The following CCDC171 variants were observed in gnomAD, a reference collection of about 807,000 sequenced individuals.
The protein encoded by CCDC171 is coiled-coil domain containing 171.
In CCDC171, 177 loss-of-function variants were observed where a neutral mutation model predicts 168.2. The observed-to-expected ratio is 1.05, with a 90% CI of 0.93 to 1.19. CCDC171 has a LOEUF of 1.19. CCDC171 is among the 50% of genes most tolerant of loss of function. CCDC171 has a pLI of 0.00. For synonymous variants in CCDC171, 687 were observed against 540.8 expected (o/e 1.27, Z -3.75); for missense variants, 1,991 against 1,539.0 (o/e 1.29, Z -4.91).
chr9:15,906,892 C>A (rs200381786), intron 24 of CCDC171, among the ~76,000 whole-genome samples: 10 of 152,012 alleles, frequency 6.6e-5, no homozygotes, highest in Admixed American at 3.3e-4. Flanking sequence ...GACAAGCAGA[C>A]ATCCAAATCA....
chr9:15,816,642 G>T (rs1033492852), intron 21 of CCDC171, among the ~76,000 whole-genome samples: 1 of 118,038 alleles, frequency 8.5e-6, no homozygotes, highest in Non-Finnish European at 1.9e-5. Flanking sequence ...GTAAAGAGAG[G>T]TTAGATTCTG....
chr9:16,084,608 A>G, the CCDC171 span, among the ~76,000 whole-genome samples: 1 of 152,138 alleles, frequency 6.6e-6, no homozygotes, highest in African/African-American at 2.4e-5. Flanking sequence ...CCGCTTTCCA[A>G]TTTGCCATGG....
intron 25 of CCDC171, among the ~76,000 whole-genome samples, chr9:15,948,663 T>A (rs1413780811): frequency 6.6e-6 from 1 of 152,086 alleles, no homozygotes; most frequent in African/African-American, 2.4e-5. Flanking sequence ...GCCCCCTTTT[T>A]GATGGGGTTG....
chr9:15,896,444 G>A (rs1226119104), intron 24 of CCDC171, among the ~76,000 whole-genome samples: 2 of 152,054 alleles, frequency 1.3e-5, no homozygotes, highest in African/African-American at 4.8e-5. Context: ...AAAACTTTGA[G>A]TGATGGGATA....
chr9:15,940,910 A>G (rs1156552805), intron 25 of CCDC171, among the ~76,000 whole-genome samples: 1 of 151,974 alleles, frequency 6.6e-6, no homozygotes, highest in Non-Finnish European at 1.5e-5. Context: ...TGCCCTGCCA[A>G]CATTAGCTAT....
chr9:15,613,689 ATTTTTTTGTATT>A (rs1389689356), intron 6 of CCDC171, among the ~76,000 whole-genome samples: 1 of 151,606 alleles, frequency 6.6e-6, no homozygotes, highest in African/African-American at 2.4e-5. Context: ...TGCCCGGCTA[ATTTTTTTGTATT>A]TTTAGTAGAG....
intron 1 of CCDC171, among the ~76,000 whole-genome samples, chr9:16,048,015 A>G (rs1833687941): frequency 6.6e-6 from 1 of 152,208 alleles, no homozygotes; most frequent in Admixed American, 6.5e-5. Context: ...AAGGATGAAC[A>G]CATTGCCTGC....
intron 25 of CCDC171, among the ~76,000 whole-genome samples, chr9:15,945,742 G>A (rs903173374): frequency 6.6e-6 from 1 of 151,700 alleles, no homozygotes; most frequent in African/African-American, 2.4e-5. Context: ...TTTTTTTCTT[G>A]TAAATTTGTT....
chr9:16,083,436 A>G, the CCDC171 span, among the ~76,000 whole-genome samples: 1 of 152,156 alleles, frequency 6.6e-6, no homozygotes, highest in Non-Finnish European at 1.5e-5. Flanking sequence ...GTACTCTGAG[A>G]TCACATCCAG....
chr9:15,723,679 A>G lies in CCDC171; in HGVS notation c.1426-2A>G, dbSNP rs201962258. ...CAGCTAAACAGCATGAATGATGTTAAGGAAAAGGCATGTAATGAACTTGAT... is the reference window on the plus strand; with the variant it reads ...CAGCTAAACAGCATGAATGATGTTAGGGAAAAGGCATGTAATGAACTTGAT... On this transcript the variant is annotated splice_acceptor_variant, in intron 12 of 25. Coordinates refer to ENST00000380701, the MANE Select transcript of CCDC171 (RefSeq NM_173550.4). LOFTEE classifies it high-confidence loss of function. The G allele has an allele frequency of 1.3e-6, 2 of 1,591,134 alleles. No individual in the cohort carries two copies. The highest frequency in any genetic ancestry group is 1.7e-6 in the Non-Finnish European group (2 of 1,166,944).
intron 6 of CCDC171, among the ~76,000 whole-genome samples, chr9:15,618,280 CTG>C (rs2044241238): frequency 6.6e-6 from 1 of 152,202 alleles, no homozygotes. Flanking sequence ...GCTGTGGTGA[CTG>C]TGCCCAGTCC....
At chr9:15,860,191 A>C (rs919543119) in intron 23 of CCDC171, among the ~76,000 whole-genome samples, 1 of 150,586 alleles carries the variant, frequency 6.6e-6, no homozygotes, top group Non-Finnish European at 1.5e-5. Flanking sequence ...AAAGGTTTGT[A>C]AATTTCGTCT....
chr9:15,911,590 C>T (rs1168966712), intron 24 of CCDC171, among the ~76,000 whole-genome samples: 1 of 152,152 alleles, frequency 6.6e-6, no homozygotes, highest in Non-Finnish European at 1.5e-5. Context: ...GTTGCCGTTG[C>T]TTTTGGTGTT....
intron 8 of CCDC171, among the ~76,000 whole-genome samples, chr9:16,037,127 T>C (rs1328067164): frequency 6.6e-6 from 1 of 152,238 alleles, no homozygotes; most frequent in Non-Finnish European, 1.5e-5. Flanking sequence ...ATTTTTCAAA[T>C]AGCTAGAAGA....
intron 10 of CCDC171, among the ~76,000 whole-genome samples, chr9:15,687,572 A>G (rs188731188): frequency 1.3e-5 from 2 of 152,334 alleles, no homozygotes; most frequent in Admixed American, 1.3e-4. Context: ...ATTTTAAAAA[A>G]TAGAGGAAAT....
rs116896330 is a variant in CCDC171, at chr9:15,754,312, C to T, written c.2671+8681C>T. ...TTATCTAGTTATCAGTTGTGTGAAA[C>T]TGGGCACGTTATTTAACTTTACTGG... On this transcript the variant is annotated intron_variant, in intron 18 of 25. Transcript: ENST00000380701. Among the ~76,000 whole-genome samples, 619 of 152,166 alleles carry T rather than the reference C, an allele frequency of 4.1e-3. 3 individuals carry two copies. In the Middle Eastern group the frequency reaches 0.044, roughly 11 times the overall value.
chr9:15,620,275 C>G (rs1473607722), intron 6 of CCDC171, among the ~76,000 whole-genome samples: 1 of 152,070 alleles, frequency 6.6e-6, no homozygotes, highest in Non-Finnish European at 1.5e-5. Flanking sequence ...AAATTGAAAA[C>G]TTTCTGGAAA....
intron 6 of CCDC171, among the ~76,000 whole-genome samples, chr9:15,606,540 TAGATTA>T (rs1182351282): frequency 6.6e-6 from 1 of 152,168 alleles, no homozygotes; most frequent in Non-Finnish European, 1.5e-5. Context: ...AATAATGTAA[TAGATTA>T]AGGTTGTAGT....
chr9:15,753,482 A>G (rs1022438880), intron 18 of CCDC171, among the ~76,000 whole-genome samples: 1 of 152,140 alleles, frequency 6.6e-6, no homozygotes, highest in African/African-American at 2.4e-5. Context: ...ATGGGGTCAA[A>G]TTACAGAGGT....
Sources: gnomAD v4.1 joint callset for allele counts (sites outside exome capture counted in the v4.1 genomes callset) on GRCh38, gnomAD v4.1.1 for gene constraint, MANE v1.5 for transcripts, NCBI Gene and HGNC (gene_info 2026-07-23, HGNC 2026-07-21) for gene names.